MRTFA: variants seen among roughly 807,000 people sequenced by gnomAD.
MRTFA encodes the protein myocardin-related transcription factor A.
Under a neutral mutation model 83.5 loss-of-function variants are expected in MRTFA, and 20 were observed. That is an observed-to-expected ratio of 0.24 (90% CI 0.17 to 0.35). The LOEUF is 0.35. Ranked by LOEUF, MRTFA falls within the 10% of genes least tolerant of loss-of-function variation. The probability of loss-of-function intolerance (pLI) is 1.00; values close to 1 mark genes in which losing one functional copy is unlikely to be tolerated. For missense variants in MRTFA, 1,200 were observed against 1,224.7 expected (o/e 0.98, Z 0.30); for synonymous variants, 659 against 541.2 (o/e 1.22, Z -3.02).
At chr22:40,583,732 C>G (rs1169391174) in intron 2 of MRTFA, among the ~76,000 whole-genome samples, 1 of 152,174 alleles carries the variant, frequency 6.6e-6, no homozygotes, top group African/African-American at 2.4e-5. Context: ...TAGGTTGCAC[C>G]TTTCTTATGA....
chr22:40,452,395 C>T (rs909835792), intron 4 of MRTFA, among the ~76,000 whole-genome samples: 6 of 152,132 alleles, frequency 3.9e-5, no homozygotes, highest in Non-Finnish European at 7.3e-5. Flanking sequence ...CTACAAGTGA[C>T]GTTATAACCT....
At chr22:40,417,860 C>T (rs545997677) in intron 12 of MRTFA, 5 of 263,798 alleles carry the variant, frequency 1.9e-5, no homozygotes, top group Non-Finnish European at 1.5e-5. Context: ...TTCTGCAGGA[C>T]CACGAGGCTA....
At chr22:40,465,391 T>C (rs1341100157) in intron 3 of MRTFA, among the ~76,000 whole-genome samples, 1 of 152,170 alleles carries the variant, frequency 6.6e-6, no homozygotes, top group East Asian at 1.9e-4. Flanking sequence ...GCTATTATTA[T>C]TTTACAAATT....
chr22:40,424,472 C>T, intron 7 of MRTFA, 91 bp from the exon 8 acceptor site: 1 of 1,374,924 alleles, frequency 7.3e-7, no homozygotes, highest in East Asian at 2.5e-5. Context: ...AGGCAGAGTG[C>T]CTGGCCCACA....
intron 3 of MRTFA, among the ~76,000 whole-genome samples, chr22:40,551,308 C>T (rs935874960): frequency 2.3e-4 from 35 of 151,982 alleles, no homozygotes; most frequent in African/African-American, 7.5e-4. Flanking sequence ...AAGAAAGAGA[C>T]CAGATTCTGC....
chr22:40,460,194 G>A (rs2053685923), intron 4 of MRTFA, among the ~76,000 whole-genome samples: 1 of 151,938 alleles, frequency 6.6e-6, no homozygotes, highest in Non-Finnish European at 1.5e-5. Flanking sequence ...CAAAGTGCTG[G>A]GATTATAGGT....
rs201944805 is a variant in MRTFA, at chr22:40,418,427, C to T, written c.2311G>A (p.Val771Met). The T allele has an allele frequency of 2.4e-4, 389 of 1,614,056 alleles. 3 individuals are homozygous for T. In the East Asian group the frequency reaches 4.1e-3, roughly 17 times the overall value. The stretch of plus-strand genomic sequence containing the variant: ...GGGCTGTCTGCATTCTTATTGGTCA[C>T]GGTGAGGACAAGGTGGGTCCCTGTG... Residue 771 changes from valine (V) to methionine (M), a missense_variant, in exon 12 of 15, where the codon GTG becomes ATG. By Grantham distance (21) the Val-to-Met change is conservative (BLOSUM62 1). Transcript: ENST00000355630.
chr22:40,571,168 C>T (rs374253993), intron 2 of MRTFA, among the ~76,000 whole-genome samples: 1 of 151,548 alleles, frequency 6.6e-6, no homozygotes, highest in East Asian at 1.9e-4. Context: ...CTTGATTGTG[C>T]CACTGCATAG....
intron 5 of MRTFA, among the ~76,000 whole-genome samples, chr22:40,433,992 T>C (rs753189508): frequency 6.6e-6 from 1 of 152,226 alleles, no homozygotes; most frequent in Admixed American, 6.5e-5. Context: ...TTGCCACTTA[T>C]TGGCTGGACA....
In MRTFA at chr22:40,429,307, T is replaced by A. The variant is rs1013066212; in HGVS notation, c.601+299A>T. 2.3e-5 allele frequency: 14 copies of A among 609,532 alleles called. No individual in the cohort carries two copies. The African/African-American group carries it at 2.4e-4, about 10-fold the overall frequency. The allele number at this position is 609,532 out of a possible 1,614,324, so 37.8% of individuals were successfully genotyped here. On this transcript the variant is annotated intron_variant, in intron 7 of 14. Coordinates refer to ENST00000355630, the MANE Select transcript of MRTFA (RefSeq NM_020831.6). ...GTTCACACACACTGATCCTGACATC[T>A]ATCTACTCTGTGAAAGAGGAAGCAA... is the stretch of plus-strand genomic sequence containing the variant.
intron 3 of MRTFA, among the ~76,000 whole-genome samples, chr22:40,496,262 G>A (rs1267736819): frequency 1.3e-5 from 2 of 151,980 alleles, no homozygotes; most frequent in African/African-American, 4.8e-5. Context: ...TGCATTTTAA[G>A]TAAAGGACTT....
At position 40,498,603 on chromosome 22, in the gene MRTFA, T is replaced by C. The variant is rs144272892; in HGVS notation, c.242-35317A>G. On this transcript the variant is annotated intron_variant, in intron 3 of 14. Transcript: ENST00000355630. Reference sequence around the variant, plus strand: ...CCCAGCCTCATTCAATAAATATTTGTTGAGTATGTGTCATGCATATGGTAG... The same window carrying C: ...CCCAGCCTCATTCAATAAATATTTGCTGAGTATGTGTCATGCATATGGTAG... 1.8e-4 allele frequency among the ~76,000 whole-genome samples: 27 copies of C among 152,114 alleles called. No homozygotes were observed. The East Asian group carries it at 3.9e-3, about 22-fold the overall frequency.
chr22:40,540,511 G>A (rs1273320488), intron 3 of MRTFA, among the ~76,000 whole-genome samples: 1 of 151,988 alleles, frequency 6.6e-6, no homozygotes, highest in Non-Finnish European at 1.5e-5. Context: ...TTCTAGCCAG[G>A]CAGCGCGGTG....
intron 1 of MRTFA, among the ~76,000 whole-genome samples, chr22:40,624,425 CAAAAA>C (rs35882157): frequency 1.6e-5 from 1 of 62,754 alleles, no homozygotes; most frequent in Non-Finnish European, 3.6e-5. Flanking sequence ...GACTCCAACT[CAAAAA>C]AAAAAAAAAA....
intron 1 of MRTFA, among the ~76,000 whole-genome samples, chr22:40,607,503 C>CAAA (rs369102921): frequency 2.9e-5 from 3 of 102,072 alleles, no homozygotes; most frequent in South Asian, 3.3e-4. Flanking sequence ...GACTCCGTCT[C>CAAA]AAAAAAAAAA....
At chr22:40,441,526 C>T (rs2053273454) in intron 4 of MRTFA, among the ~76,000 whole-genome samples, 1 of 152,052 alleles carries the variant, frequency 6.6e-6, no homozygotes. Flanking sequence ...GGCTCACGCC[C>T]GTAATCCCAG....
At chr22:40,431,731 A>T (rs973958590) in intron 5 of MRTFA, among the ~76,000 whole-genome samples, 6 of 152,192 alleles carry the variant, frequency 3.9e-5, no homozygotes, top group Non-Finnish European at 8.8e-5. Context: ...GACTGACAAT[A>T]TATCTATTAA....
At chr22:40,629,542 G>A (rs1240914724) in intron 1 of MRTFA, among the ~76,000 whole-genome samples, 2 of 151,416 alleles carry the variant, frequency 1.3e-5, no homozygotes, top group Non-Finnish European at 2.9e-5. Flanking sequence ...CGGATGGATC[G>A]CCTGAGGTCA....
chr22:40,548,078 C>T (rs969672934), intron 3 of MRTFA, among the ~76,000 whole-genome samples: 4 of 151,920 alleles, frequency 2.6e-5, no homozygotes, highest in African/African-American at 7.3e-5. Context: ...CAACAGGGCA[C>T]AGTGGCTCAT....
Sources: gnomAD v4.1 joint callset for allele counts (sites outside exome capture counted in the v4.1 genomes callset) on GRCh38, gnomAD v4.1.1 for gene constraint, MANE v1.5 for transcripts, NCBI Gene and HGNC (gene_info 2026-07-23, HGNC 2026-07-21) for gene names.